RBMS3: variants seen among roughly 807,000 people sequenced by gnomAD.
The protein encoded by RBMS3 is RNA binding motif single stranded interacting protein 3, also known as RNA-binding motif, single-stranded-interacting protein 3.
RBMS3 carries 27 observed loss-of-function variants against 66.8 expected under a neutral mutation model. That is an observed-to-expected ratio of 0.40 (90% CI 0.30 to 0.56). The LOEUF (loss-of-function observed/expected upper bound fraction) is 0.56. Ranked by LOEUF, RBMS3 falls within the 20% of genes least tolerant of loss-of-function variation. RBMS3 has a pLI of 0.40. For synonymous variants in RBMS3, 188 were observed against 183.0 expected (o/e 1.03, Z -0.22); for missense variants, 513 against 549.5 (o/e 0.93, Z 0.66).
rs748216279 is a variant in RBMS3, at chr3:29,434,827, A to G, written c.160A>G (p.Ser54Gly). 1.1e-5 allele frequency: 18 copies of G among 1,614,042 alleles called. No individual in the cohort carries two copies. The Admixed American group carries it at 2.3e-4, about 21-fold the overall frequency. The change falls in exon 2 of 15, where the codon AGC becomes GGC. Residue 54 changes from serine (S) to glycine (G), a missense_variant. Ser to Gly is a moderately conservative substitution (Grantham distance 56, BLOSUM62 0). Coordinates refer to ENST00000383767, the MANE Select transcript of RBMS3 (RefSeq NM_001003793.3). ...CAGCAACAACAGCAGCAACAACAGC[A>G]GCGGGGAACAGTTGAGTAAAACCAA... ...SSSNNSSNNS[S>G]GEQLSKTNLY...
chr3:29,777,642 A>G (rs918217132), intron 6 of RBMS3, among the ~76,000 whole-genome samples: 9 of 151,902 alleles, frequency 5.9e-5, no homozygotes, highest in African/African-American at 2.2e-4. Context: ...AGATTAAATT[A>G]TCTTTCCATT....
intron 6 of RBMS3, chr3:29,766,882 T>C (rs1243516517): frequency 6.6e-6 from 1 of 151,934 alleles, no homozygotes. Flanking sequence ...GTTGTAGCCA[T>C]CAGCAGAAAG....
In RBMS3 at chr3:30,005,102, T is replaced by TAA. The variant is rs1227610116; in HGVS notation, c.*1240_*1241insAA. The TAA allele has an allele frequency of 7.7e-4, 101 of 131,620 alleles. 1 individual carries two copies. Among genetic ancestry groups the TAA allele is most frequent in the East Asian group, 3.5e-3 (12 of 3,438 alleles). The allele number at this position is 131,620 out of a possible 1,614,324, so 8.2% of individuals were successfully genotyped here. Reference sequence around the variant, plus strand: ...GAGGTTGTTTTCGTTTCTTTTCTTTTTAAAAAAAAAAAAATTTATTTGACC... The same window carrying TAA: ...GAGGTTGTTTTCGTTTCTTTTCTTTTAATAAAAAAAAAAAAATTTATTTGACC... On this transcript the variant is annotated 3_prime_UTR_variant, in exon 15 of 15. Coordinates refer to ENST00000383767, the MANE Select transcript of RBMS3 (RefSeq NM_001003793.3).
chr3:29,402,774 C>T (rs1034419502), intron 1 of RBMS3, among the ~76,000 whole-genome samples: 1 of 151,886 alleles, frequency 6.6e-6, no homozygotes, highest in African/African-American at 2.4e-5. Context: ...ATGTTCTGTA[C>T]AATGTTTGCA....
chr3:29,691,949 A>ATTTT lies in RBMS3; in HGVS notation c.400-47756_400-47753dup, dbSNP rs1294126975. Among the ~76,000 whole-genome samples the ATTTT allele has an allele frequency of 6.9e-4, 45 of 64,992 alleles. 3 individuals carry two copies. The highest frequency in any genetic ancestry group is 3.1e-3 in the South Asian group (5 of 1,592). The allele number at this position is 64,992 out of a possible 152,430, so 42.6% of individuals were successfully genotyped here. A position where few individuals can be genotyped will look rare whatever the true frequency, so the allele number is the denominator to read the frequency against. On this transcript the variant is annotated intron_variant, in intron 4 of 14. Coordinates refer to ENST00000383767, the MANE Select transcript of RBMS3 (RefSeq NM_001003793.3). Reference sequence around the variant, plus strand: ...GTGACCCTTCTCTCTCTCTCTCTCTATTTTTTTTTTTTTTTTTTGAGATGG... The same window carrying ATTTT: ...GTGACCCTTCTCTCTCTCTCTCTCTATTTTTTTTTTTTTTTTTTTTTTGAGATGG...
chr3:29,782,110 C>T (rs1384482868), intron 6 of RBMS3, among the ~76,000 whole-genome samples: 1 of 152,114 alleles, frequency 6.6e-6, no homozygotes, highest in Non-Finnish European at 1.5e-5. Context: ...GCCCTGCACA[C>T]TGCCTGAGAA....
At chr3:29,542,527 C>CT (rs1396167861) in intron 3 of RBMS3, among the ~76,000 whole-genome samples, 1 of 152,056 alleles carries the variant, frequency 6.6e-6, no homozygotes, top group Non-Finnish European at 1.5e-5. Flanking sequence ...CACCTGGCTA[C>CT]TTTTTTGTAT....
intron 6 of RBMS3, among the ~76,000 whole-genome samples, chr3:29,830,762 G>C (rs1276870714): frequency 6.6e-6 from 1 of 152,004 alleles, no homozygotes; most frequent in Non-Finnish European, 1.5e-5. Flanking sequence ...AAGTTGTTTA[G>C]CTCACAAATT....
intron 1 of RBMS3, among the ~76,000 whole-genome samples, chr3:29,360,262 G>C (rs2037493021): frequency 6.6e-6 from 1 of 151,956 alleles, no homozygotes; most frequent in Non-Finnish European, 1.5e-5. Context: ...GTTCTCGTTG[G>C]TTTCAAAGAA....
At chr3:29,505,511 T>G (rs918993522) in intron 3 of RBMS3, among the ~76,000 whole-genome samples, 29 of 117,360 alleles carry the variant, frequency 2.5e-4, no homozygotes, top group African/African-American at 9.4e-4. Flanking sequence ...ATTTTGTTTT[T>G]TTTTTTTGTT....
At chr3:29,587,498 C>A (rs2047574870) in intron 4 of RBMS3, among the ~76,000 whole-genome samples, 1 of 151,528 alleles carries the variant, frequency 6.6e-6, no homozygotes, top group South Asian at 2.1e-4. Context: ...GTTATGGTAA[C>A]CTCATTAGAG....
At chr3:29,712,769 C>T (rs1024789940) in intron 4 of RBMS3, among the ~76,000 whole-genome samples, 2 of 152,090 alleles carry the variant, frequency 1.3e-5, no homozygotes, top group African/African-American at 4.8e-5. Context: ...CTTCTCATGT[C>T]CTTGGACATC....
At chr3:29,806,499 T>C (rs2057551999) in intron 6 of RBMS3, among the ~76,000 whole-genome samples, 1 of 151,986 alleles carries the variant, frequency 6.6e-6, no homozygotes, top group African/African-American at 2.4e-5. Flanking sequence ...CCATATCAAC[T>C]GACAGAGTTT....
At chr3:29,853,658 T>C (rs1298738729) in intron 6 of RBMS3, among the ~76,000 whole-genome samples, 17 of 152,112 alleles carry the variant, frequency 1.1e-4, no homozygotes, top group Admixed American at 1.1e-3. Flanking sequence ...ACCTGATTGG[T>C]CGGGTGTAAG....
chr3:29,780,958 GTTTTATTTTA>G (rs1054417459), intron 6 of RBMS3, among the ~76,000 whole-genome samples: 2 of 151,722 alleles, frequency 1.3e-5, no homozygotes, highest in Non-Finnish European at 2.9e-5. Context: ...AACAGTTCTT[GTTTTATTTTA>G]TTTTATTTTA....
intron 1 of RBMS3, among the ~76,000 whole-genome samples, chr3:29,366,935 A>C (rs1416977738): frequency 1.3e-5 from 2 of 152,180 alleles, no homozygotes; most frequent in Non-Finnish European, 2.9e-5. Context: ...TCAAGTAATC[A>C]AAACAATTAT....
intron 1 of RBMS3, among the ~76,000 whole-genome samples, chr3:29,403,732 AG>A (rs1342175502): frequency 1.3e-5 from 2 of 152,114 alleles, no homozygotes; most frequent in African/African-American, 4.8e-5. Context: ...ATTATTAAAA[AG>A]TGATTGCAGA....
At chr3:29,976,526 T>C (rs1261889894) in intron 12 of RBMS3, among the ~76,000 whole-genome samples, 2 of 152,080 alleles carry the variant, frequency 1.3e-5, no homozygotes, top group African/African-American at 4.8e-5. Flanking sequence ...TACATTCCAC[T>C]GACAGAAGTA....
intron 1 of RBMS3, among the ~76,000 whole-genome samples, chr3:29,312,612 G>A (rs1353610566): frequency 1.3e-5 from 2 of 150,928 alleles, no homozygotes; most frequent in Admixed American, 6.6e-5. Context: ...TTCTCTCCTT[G>A]TCTTTGTGTA....
Sources: gnomAD v4.1 joint callset for allele counts (sites outside exome capture counted in the v4.1 genomes callset) on GRCh38, gnomAD v4.1.1 for gene constraint, MANE v1.5 for transcripts, NCBI Gene and HGNC (gene_info 2026-07-23, HGNC 2026-07-21) for gene names.